ZNF519: variants seen among roughly 807,000 people sequenced by gnomAD.
ZNF519 encodes zinc finger protein 519, also known as similar to Zinc finger protein 85 (Zinc finger protein HPF4) (HTF1).
A neutral mutation model predicts 7.4 loss-of-function variants in ZNF519; 7 were observed. The ratio of observed to expected loss-of-function variants is 0.94; its 90% CI spans 0.54 to 1.77. ZNF519 has a LOEUF of 1.77. Among genes scored for constraint, ZNF519 ranks in the 40% most tolerant of loss-of-function variants. The pLI is 0.00. For synonymous variants in ZNF519, 179 were observed against 203.3 expected, an observed-to-expected ratio of 0.88 and a Z score of 1.02; for missense variants, 586 against 623.1, an observed-to-expected ratio of 0.94 and a Z score of 0.63.
chr18:14,071,405 C>T (rs1326622442), downstream of ZNF519: 1 of 152,056 alleles, frequency 6.6e-6, no homozygotes, highest in African/African-American at 2.4e-5. Context: ...TATCAACTTT[C>T]CTTTTAGCAT....
intron 2 of ZNF519, among the ~76,000 whole-genome samples, chr18:14,109,421 C>G (rs1314259805): frequency 6.6e-6 from 1 of 152,144 alleles, no homozygotes; most frequent in Non-Finnish European, 1.5e-5. Flanking sequence ...ACATTTTTCT[C>G]TGCAGTGCAT....
chr18:14,076,188 A>G (rs2046047052), exon 5 of ZNF519: 1 of 152,064 alleles, frequency 6.6e-6, no homozygotes, highest in Non-Finnish European at 1.5e-5. Context: ...AACTCCACAT[A>G]TATTTCATTT....
At chr18:14,075,810 G>T (rs1473404356), downstream of ZNF519, 2 of 152,070 alleles carry the variant, frequency 1.3e-5, no homozygotes, top group African/African-American at 4.8e-5. Flanking sequence ...GAAACATGAG[G>T]TCTATTTTAT....
At chr18:14,097,534 T>C (rs561575503), downstream of ZNF519, among the ~76,000 whole-genome samples, 1 of 152,314 alleles carries the variant, frequency 6.6e-6, no homozygotes, top group African/African-American at 2.4e-5. Context: ...GGCCTCCAGC[T>C]TGAAAGCAAA....
At chr18:14,074,614 CTT>C (rs1427331189), downstream of ZNF519, 11 of 152,578 alleles carry the variant, frequency 7.2e-5, no homozygotes, top group Non-Finnish European at 1.6e-4. Context: ...CCATCAGTCT[CTT>C]TGCTAAAACA....
downstream of ZNF519, among the ~76,000 whole-genome samples, chr18:14,098,785 G>A (rs1048660166): frequency 1.3e-5 from 2 of 152,172 alleles, no homozygotes; most frequent in Admixed American, 6.5e-5. Context: ...CTATTTATCC[G>A]ATGACATTTG....
In ZNF519 at chr18:14,100,545, T is replaced by C. The variant is rs1417667810; in HGVS notation, c.*4372A>G. The C allele has an allele frequency of 6.6e-6, 1 of 152,180 alleles. No individual in the cohort carries two copies. Among genetic ancestry groups the C allele is most frequent in the Admixed American group, 6.5e-5 (1 of 15,274 alleles). 9.4% of individuals were successfully genotyped at this position (152,180 alleles called of 1,614,324 possible). ...CCAATTTAGATGAATCTCCAAGGAATTATGCTGAAGGAAAAGGGCCAATTA... is the reference window on the plus strand; with the variant it reads ...CCAATTTAGATGAATCTCCAAGGAACTATGCTGAAGGAAAAGGGCCAATTA... On this transcript the variant is annotated 3_prime_UTR_variant, in exon 3 of 3. Coordinates refer to ENST00000590202, the MANE Select transcript of ZNF519 (RefSeq NM_145287.4).
At chr18:14,118,577 T>C (rs2143154218) in intron 2 of ZNF519, among the ~76,000 whole-genome samples, 1 of 152,124 alleles carries the variant, frequency 6.6e-6, no homozygotes, top group Middle Eastern at 3.4e-3. Context: ...GAGCCAAAGA[T>C]CAAGGAGGGT....
rs200464176 is a variant in ZNF519 at position 14,076,918 on chromosome 18, T to C, written c.*885A>G. ...TGGTCTCCATTAAGTATATAATATG[T>C]CCAGAGTGGTTAAACTCCATAGTTA... On this transcript the variant is annotated 3_prime_UTR_variant and NMD_transcript_variant, in exon 5 of 5. Transcript: ENST00000587419. The C allele has an allele frequency of 2.6e-5, 4 of 152,268 alleles. No individual in the cohort carries two copies. In the East Asian group the frequency reaches 7.7e-4, roughly 29 times the overall value. The allele number at this position is 152,268 out of a possible 1,614,324, so 9.4% of individuals were successfully genotyped here.
intron 2 of ZNF519, among the ~76,000 whole-genome samples, chr18:14,121,545 T>C (rs982860985): frequency 1.3e-5 from 2 of 152,292 alleles, no homozygotes; most frequent in East Asian, 1.9e-4. Flanking sequence ...ATGTTCAAAA[T>C]AGGTTCTTGA....
intron 2 of ZNF519, chr18:14,085,084 A>AT (rs1400251065): frequency 6.9e-6 from 1 of 145,860 alleles, no homozygotes; most frequent in East Asian, 1.9e-4. Context: ...CCACTGGGGG[A>AT]TAAAAAAAAG....
At chr18:14,131,094 G>A (rs894184236) in intron 1 of ZNF519, among the ~76,000 whole-genome samples, 1 of 152,010 alleles carries the variant, frequency 6.6e-6, no homozygotes. Context: ...AAAAAGGCCC[G>A]AATGTGGCTA....
intron 2 of ZNF519, among the ~76,000 whole-genome samples, chr18:14,114,058 T>C (rs2046234993): frequency 6.6e-6 from 1 of 152,134 alleles, no homozygotes; most frequent in African/African-American, 2.4e-5. Context: ...TGATGGGCCA[T>C]TTGCAAATAT....
At chr18:14,131,177 T>G (rs1361035940) in intron 1 of ZNF519, among the ~76,000 whole-genome samples, 1 of 152,164 alleles carries the variant, frequency 6.6e-6, no homozygotes, top group Non-Finnish European at 1.5e-5. Context: ...GCGTTTGTGC[T>G]AAGGGAGGAT....
At chr18:14,110,089 T>C (rs183657971) in intron 2 of ZNF519, among the ~76,000 whole-genome samples, 26 of 151,900 alleles carry the variant, frequency 1.7e-4, no homozygotes, top group South Asian at 4.2e-4. Context: ...ATAAACAAAT[T>C]GAGGAAACAA....
At chr18:14,117,175 GA>G (rs912388531) in intron 2 of ZNF519, among the ~76,000 whole-genome samples, 20 of 151,094 alleles carry the variant, frequency 1.3e-4, no homozygotes, top group East Asian at 9.7e-4. Flanking sequence ...AGCAGAAGAA[GA>G]AAAAAAAATT....
intron 2 of ZNF519, among the ~76,000 whole-genome samples, chr18:14,088,397 T>C (rs572200877): frequency 9.2e-5 from 14 of 152,304 alleles, no homozygotes; most frequent in Non-Finnish European, 1.8e-4. Flanking sequence ...CTGGTTTTCT[T>C]GCTGAAGAGA....
At chr18:14,073,678 T>C (rs1207056835), downstream of ZNF519, 2 of 152,346 alleles carry the variant, frequency 1.3e-5, no homozygotes, top group East Asian at 1.9e-4. Context: ...ACCTGTATCA[T>C]GATCTTCACT....
downstream of ZNF519, among the ~76,000 whole-genome samples, chr18:14,095,698 C>T (rs2046133510): frequency 6.6e-6 from 1 of 152,196 alleles, no homozygotes; most frequent in Non-Finnish European, 1.5e-5. Flanking sequence ...AGGTTCTGGC[C>T]AATGTTGGGT....
Sources: gnomAD v4.1 joint callset for allele counts (sites outside exome capture counted in the v4.1 genomes callset) on GRCh38, gnomAD v4.1.1 for gene constraint, MANE v1.5 for transcripts, NCBI Gene and HGNC (gene_info 2026-07-23, HGNC 2026-07-21) for gene names.